The following ALG6 variants were observed in gnomAD, a reference collection of about 807,000 sequenced individuals.
ALG6 encodes the protein dolichyl pyrophosphate Man9GlcNAc2 alpha-1,3-glucosyltransferase.
In ALG6, 46 loss-of-function variants were observed where a neutral mutation model predicts 66.6. That is an observed-to-expected ratio of 0.69 (90% CI 0.55 to 0.88). The LOEUF is 0.88. ALG6 is among the 40% of genes least tolerant of loss of function. ALG6 has a pLI of 0.00. For synonymous variants in ALG6, 185 were observed against 203.7 expected (o/e 0.91, Z 0.78); for missense variants, 505 against 586.8 (o/e 0.86, Z 1.44).
chr1:63,428,915 T>A lies in ALG6; in HGVS notation c.1128-13T>A, dbSNP rs773823994. On this transcript the variant is annotated splice_polypyrimidine_tract_variant and intron_variant, in intron 13 of 14. Coordinates refer to ENST00000263440, the MANE Select transcript of ALG6 (RefSeq NM_013339.4). ...ATAATTCTCTTGTGATTTTTAAAAA[T>A]TTTCCTTTACAGTATGCTACCTCTT... The A allele has an allele frequency of 8.1e-6, 13 of 1,611,550 alleles. No individual in the cohort carries two copies. In the African/African-American group the frequency reaches 1.6e-4, roughly 20 times the overall value.
At chr1:63,382,839 C>T (rs1648372252) in intron 2 of ALG6, among the ~76,000 whole-genome samples, 1 of 151,906 alleles carries the variant, frequency 6.6e-6, no homozygotes, top group Non-Finnish European at 1.5e-5. Flanking sequence ...CCACACCCAG[C>T]TCATTTTTTT....
intron 12 of ALG6, among the ~76,000 whole-genome samples, chr1:63,422,286 T>G (rs1370107301): frequency 2.6e-5 from 2 of 75,648 alleles, no homozygotes; most frequent in African/African-American, 6.7e-5. Context: ...TATAAATATA[T>G]ATATTTATAT....
In ALG6 at chr1:63,428,932, C is replaced by T. The variant is rs1450789448; in HGVS notation, c.1132C>T (p.Leu378=). ...WFLLVSTFSM[L]PLLLKDELLM... The stretch of plus-strand genomic sequence containing the variant: ...TTTAAAAATTTTCCTTTACAGTATG[C>T]TACCTCTTCTATTGAAGGATGAACT... Residue 378 remains leucine, a synonymous_variant, in exon 14 of 15, where the codon CTA becomes TTA. Transcript: ENST00000263440. The T allele has an allele frequency of 5.6e-6, 9 of 1,612,764 alleles. No individual in the cohort carries two copies. In the South Asian group the frequency reaches 9.9e-5, roughly 18 times the overall value.
chr1:63,411,217 G>T lies in ALG6; in HGVS notation c.566G>T (p.Gly189Val). 6.2e-7 allele frequency: 1 copy of T among 1,613,808 alleles called. No homozygotes were observed. The highest frequency in any genetic ancestry group is 8.5e-7 in the Non-Finnish European group (1 of 1,179,864). ...ATATCTTGTGACTGCGACCTCCTAG[G>T]GTCACTGGCATTTTGCTTAGCTATA... ...LGISCDCDLL[G>V]SLAFCLAINY... Residue 189 changes from glycine to valine, a missense_variant, in exon 8 of 15, where the codon GGG (glycine) becomes GTG (valine). Coordinates refer to ENST00000263440, the MANE Select transcript of ALG6 (RefSeq NM_013339.4).
intron 12 of ALG6, among the ~76,000 whole-genome samples, chr1:63,422,725 G>A (rs1183673532): frequency 6.6e-6 from 1 of 151,844 alleles, no homozygotes; most frequent in Non-Finnish European, 1.5e-5. Context: ...GGAGGCCCAG[G>A]CGGGTGGATC....
chr1:63,372,553 C>T (rs536250037), intron 2 of ALG6, among the ~76,000 whole-genome samples: 3 of 150,980 alleles, frequency 2.0e-5, no homozygotes, highest in Non-Finnish European at 4.4e-5. Flanking sequence ...TGTATATATA[C>T]ACAGACATAT....
chr1:63,437,947 A>G lies in ALG6; in HGVS notation c.*927A>G, dbSNP rs1346767251. The G allele has an allele frequency of 6.6e-6, 1 of 152,146 alleles. No homozygotes were observed. The highest frequency in any genetic ancestry group is 1.5e-5 in the Non-Finnish European group (1 of 68,028). The allele number at this position is 152,146 out of a possible 1,614,324, so 9.4% of individuals were successfully genotyped here. A position where few individuals can be genotyped will look rare whatever the true frequency, so the allele number is the denominator to read the frequency against. ...ATATTTATTATAGTATTCAACTGGTAAAAATAATACATGATATCCATGTTG... is the reference window on the plus strand; with the variant it reads ...ATATTTATTATAGTATTCAACTGGTGAAAATAATACATGATATCCATGTTG... On this transcript the variant is annotated 3_prime_UTR_variant, in exon 15 of 15. Transcript: ENST00000263440.
At chr1:63,423,602 CATATT>C (rs1644599505) in intron 12 of ALG6, among the ~76,000 whole-genome samples, 2 of 152,156 alleles carry the variant, frequency 1.3e-5, no homozygotes, top group African/African-American at 4.8e-5. Context: ...TAAATGGAAT[CATATT>C]ATATGTGGTC....
At chr1:63,397,192 CT>C (rs923188323) in intron 3 of ALG6, among the ~76,000 whole-genome samples, 45 of 145,128 alleles carry the variant, frequency 3.1e-4, no homozygotes, top group Admixed American at 6.2e-4. Context: ...TTCACTTTTT[CT>C]TTTTTTTTTT....
At chr1:63,383,313 TG>T (rs1648392921) in intron 2 of ALG6, among the ~76,000 whole-genome samples, 1 of 151,428 alleles carries the variant, frequency 6.6e-6, no homozygotes, top group Admixed American at 6.6e-5. Flanking sequence ...TTAGTAGAGA[TG>T]GGGTTTCATC....
rs139947468 is a variant in ALG6, at chr1:63,427,702, G to C, written c.1059-1031G>C. ...CACACTAGCAATGCTCCTTCTTTGA[G>C]CATTGCCACAATTGAATCCCAAAGG... On this transcript the variant is annotated intron_variant, in intron 12 of 14. Transcript: ENST00000263440. Among the ~76,000 whole-genome samples, 179 of 151,798 alleles carry C rather than the reference G, an allele frequency of 1.2e-3. 1 individual carries two copies. The highest frequency in any genetic ancestry group is 2.0e-3 in the Non-Finnish European group (136 of 67,978).
chr1:63,400,321 GTA>G (rs66490327), intron 3 of ALG6, among the ~76,000 whole-genome samples: 810 of 21,684 alleles, frequency 0.037, 255 homozygotes, highest in African/African-American at 0.2. Flanking sequence ...ATATATATAC[GTA>G]TATATATATA....
intron 12 of ALG6, among the ~76,000 whole-genome samples, chr1:63,422,163 A>AAC (rs1644579112): frequency 8.4e-6 from 1 of 119,622 alleles, no homozygotes; most frequent in Non-Finnish European, 1.7e-5. Flanking sequence ...AAATATATAT[A>AAC]TAACTATGAA....
intron 7 of ALG6, among the ~76,000 whole-genome samples, chr1:63,408,367 T>G (rs1164285826): frequency 2.0e-5 from 3 of 152,204 alleles, no homozygotes; most frequent in African/African-American, 7.2e-5. Flanking sequence ...GAAAGTGAAT[T>G]CAGTGTTCAC....
chr1:63,414,144 G>A lies in ALG6; in HGVS notation c.900G>A (p.Met300Ile). 6.3e-7 allele frequency: 1 copy of A among 1,596,226 alleles called. No individual in the cohort carries two copies. The highest frequency in any genetic ancestry group is 8.6e-7 in the Non-Finnish European group (1 of 1,164,080). ...DILPRHIQLI[M>I]SFCSTFLSLL... is the part of the protein sequence containing the mutation. Reference sequence around the variant, plus strand: ...TGCCACGTCACATCCAATTAATAATGAGGTAAGAGAAACAAAGTTTGTATG... The same window carrying A: ...TGCCACGTCACATCCAATTAATAATAAGGTAAGAGAAACAAAGTTTGTATG... Residue 300 changes from methionine (M) to isoleucine (I), a missense_variant and splice_region_variant, in exon 10 of 15, where the codon ATG (methionine) becomes ATA (isoleucine). Coordinates refer to ENST00000263440, the MANE Select transcript of ALG6 (RefSeq NM_013339.4).
chr1:63,425,157 G>A (rs1039310679), intron 12 of ALG6, among the ~76,000 whole-genome samples: 6 of 152,120 alleles, frequency 3.9e-5, no homozygotes, highest in African/African-American at 1.4e-4. Flanking sequence ...GAAAAATAGG[G>A]CAATAACTGG....
At position 63,436,967 on chromosome 1, in the gene ALG6, A is replaced by T; in HGVS notation, c.1471A>T (p.Ile491Phe). The part of the protein sequence containing the change: ...NFLFFLVYFN[I>F]IIMWDSKSGR... ...CCTGTTCTTCTTGGTATACTTTAACATTATTATTATGTGGGATTCCAAAAG... is the reference window on the plus strand; with the variant it reads ...CCTGTTCTTCTTGGTATACTTTAACTTTATTATTATGTGGGATTCCAAAAG... The change falls in exon 15 of 15, where the codon ATT becomes TTT. Residue 491 changes from isoleucine to phenylalanine, a missense_variant. Transcript: ENST00000263440. 6.2e-7 allele frequency: 1 copy of T among 1,613,618 alleles called. No individual in the cohort carries two copies. The highest frequency in any genetic ancestry group is 8.5e-7 in the Non-Finnish European group (1 of 1,179,674).
chr1:63,429,201 T>C, intron 14 of ALG6, 75 bp downstream of exon 14: 1 of 1,075,894 alleles, frequency 9.3e-7, no homozygotes, highest in Non-Finnish European at 1.4e-6. Context: ...GTAGTGATTT[T>C]CTTTTATACC....
At position 63,396,505 on chromosome 1, in the gene ALG6, G is replaced by T. The variant is rs371057475; in HGVS notation, c.83-8G>T. On this transcript the variant is annotated splice_polypyrimidine_tract_variant and splice_region_variant and intron_variant, in intron 2 of 14. Coordinates refer to ENST00000263440, the MANE Select transcript of ALG6 (RefSeq NM_013339.4). ...TTGTTGTTTTGCTCTTTTTACCTTT[G>T]ATCTTAGGTGCTGGTAAACCGCCTA... 12 of 1,612,542 alleles carry T rather than the reference G, an allele frequency of 7.4e-6. No individual in the cohort carries two copies. Among genetic ancestry groups the T allele is most frequent in the Non-Finnish European group, 1.0e-5 (12 of 1,178,768 alleles).
Sources: allele counts gnomAD v4.1 joint callset (sites outside exome capture counted in the v4.1 genomes callset), GRCh38; gene constraint gnomAD v4.1.1; transcripts MANE v1.5; gene names NCBI Gene and HGNC (gene_info 2026-07-23, HGNC 2026-07-21).